The following KATNA1 variants were observed in gnomAD, a reference collection of about 807,000 sequenced individuals.
KATNA1 encodes the protein katanin catalytic subunit A1, also known as katanin p60 ATPase-containing subunit A1.
Under a neutral mutation model 62.6 loss-of-function variants are expected in KATNA1, and 42 were observed. The observed-to-expected ratio is 0.67, with a 90% confidence interval of 0.52 to 0.87. The LOEUF is 0.87. Among genes scored for constraint, KATNA1 ranks in the 40% least tolerant of loss-of-function variants. KATNA1 has a pLI of 0.00. For synonymous variants in KATNA1, 186 were observed against 201.9 expected (o/e 0.92, Z 0.67); for missense variants, 498 against 612.5 (o/e 0.81, Z 1.97).
chr6:149,598,063 A>C (rs1209511475), intron 8 of KATNA1, 161 bp downstream of exon 8: 2 of 679,308 alleles, frequency 2.9e-6, no homozygotes, highest in African/African-American at 3.6e-5. Context: ...TATTACTATC[A>C]CTATCAGGAA....
chr6:149,597,214 A>C, intron 9 of KATNA1, 25 bp from the exon 10 acceptor site: 1 of 1,610,142 alleles, frequency 6.2e-7, no homozygotes, highest in Non-Finnish European at 8.5e-7. Flanking sequence ...AAATTTTAAA[A>C]TGTAAGCCTG....
intron 4 of KATNA1, among the ~76,000 whole-genome samples, chr6:149,606,056 G>A (rs1311301766): frequency 6.6e-6 from 1 of 152,000 alleles, no homozygotes; most frequent in African/African-American, 2.4e-5. Context: ...CACTGTGTCC[G>A]GCCTGAATAA....
chr6:149,637,831 A>G (rs1780128350), intron 2 of KATNA1, among the ~76,000 whole-genome samples: 1 of 152,170 alleles, frequency 6.6e-6, no homozygotes, highest in African/African-American at 2.4e-5. Flanking sequence ...CAAAACAAAA[A>G]AAACCCCTCT....
intron 7 of KATNA1, 126 bp downstream of exon 7, chr6:149,601,468 C>A: frequency 1.5e-6 from 1 of 647,732 alleles, no homozygotes; most frequent in Non-Finnish European, 2.5e-6. Context: ...GCTTTAAGGG[C>A]ATAGGACTCA....
intron 4 of KATNA1, among the ~76,000 whole-genome samples, 188 bp from the exon 5 acceptor site, chr6:149,604,970 C>A (rs970241824): frequency 3.3e-5 from 5 of 152,024 alleles, no homozygotes; most frequent in Non-Finnish European, 5.9e-5. Flanking sequence ...GTCAGGAAAT[C>A]GAGACCATCC....
chr6:149,643,127 G>A (rs537349779), intron 1 of KATNA1, among the ~76,000 whole-genome samples: 1 of 152,350 alleles, frequency 6.6e-6, no homozygotes, highest in East Asian at 1.9e-4. Context: ...ATGTGGCAAA[G>A]AGCTGAGGCA....
intron 6 of KATNA1, 72 bp downstream of exon 6, chr6:149,603,196 A>G: frequency 1.5e-6 from 1 of 645,418 alleles, no homozygotes; most frequent in Non-Finnish European, 2.8e-6. Flanking sequence ...TTCCCAATAT[A>G]GATAAATATT....
intron 4 of KATNA1, among the ~76,000 whole-genome samples, chr6:149,610,872 G>C (rs1207128873): frequency 6.6e-6 from 1 of 152,098 alleles, no homozygotes; most frequent in Non-Finnish European, 1.5e-5. Context: ...ATCACCTGAG[G>C]TCAGGAATTT....
intron 4 of KATNA1, among the ~76,000 whole-genome samples, chr6:149,621,959 C>G (rs527903913): frequency 6.6e-6 from 1 of 152,208 alleles, no homozygotes; most frequent in South Asian, 2.1e-4. Flanking sequence ...AACATGATAA[C>G]TAAATTCGAT....
chr6:149,600,582 G>A (rs1010411385), intron 7 of KATNA1, among the ~76,000 whole-genome samples: 33 of 151,924 alleles, frequency 2.2e-4, no homozygotes, highest in Admixed American at 9.8e-4. Flanking sequence ...GCTGTGAGCC[G>A]AGATTGCAAC....
chr6:149,611,964 C>T (rs1778979064), intron 4 of KATNA1, among the ~76,000 whole-genome samples: 2 of 151,790 alleles, frequency 1.3e-5, no homozygotes, highest in South Asian at 4.2e-4. Context: ...CATGCCACTG[C>T]ACTCCAGCCT....
At chr6:149,607,381 G>T (rs1055050374) in intron 4 of KATNA1, among the ~76,000 whole-genome samples, 1 of 152,158 alleles carries the variant, frequency 6.6e-6, no homozygotes, top group African/African-American at 2.4e-5. Context: ...TTAGGCTGAG[G>T]GGGGTGGATC....
intron 8 of KATNA1, 149 bp downstream of exon 8, chr6:149,598,075 T>G: frequency 2.5e-6 from 2 of 812,178 alleles, no homozygotes; most frequent in Non-Finnish European, 3.8e-6. Flanking sequence ...TATCAGGAAC[T>G]TCTTGCCACC....
At chr6:149,629,046 A>G (rs1012269253) in intron 3 of KATNA1, among the ~76,000 whole-genome samples, 2 of 152,132 alleles carry the variant, frequency 1.3e-5, no homozygotes, top group Non-Finnish European at 2.9e-5. Flanking sequence ...GCGAGAAGCA[A>G]TAAGAAGGAA....
intron 4 of KATNA1, among the ~76,000 whole-genome samples, chr6:149,620,863 T>A (rs1256547301): frequency 6.6e-6 from 1 of 152,202 alleles, no homozygotes; most frequent in Non-Finnish European, 1.5e-5. Context: ...ATAATTAATA[T>A]AGAAGCAACA....
chr6:149,611,465 A>C (rs1270591101), intron 4 of KATNA1, among the ~76,000 whole-genome samples: 1 of 148,022 alleles, frequency 6.8e-6, no homozygotes, highest in Non-Finnish European at 1.5e-5. Context: ...TCTGTCTCAA[A>C]AAAAAAAAAA....
chr6:149,641,819 A>G (rs969096610), intron 1 of KATNA1, among the ~76,000 whole-genome samples: 2 of 152,242 alleles, frequency 1.3e-5, no homozygotes, highest in Non-Finnish European at 2.9e-5. Context: ...AATTCACAGA[A>G]GGGAAACCCA....
intron 2 of KATNA1, among the ~76,000 whole-genome samples, chr6:149,638,141 A>G (rs1448772240): frequency 6.6e-6 from 1 of 151,998 alleles, no homozygotes; most frequent in South Asian, 2.1e-4. Flanking sequence ...ACATCTGGCT[A>G]ATTTTTTTAT....
chr6:149,623,479 G>A lies in KATNA1; in HGVS notation c.321-196C>T, dbSNP rs78696168. On this transcript the variant is annotated intron_variant, in intron 3 of 10. Coordinates refer to ENST00000367411, the MANE Select transcript of KATNA1 (RefSeq NM_007044.4). ...GGGCAAGGCGCGGTGGCTCACACCT[G>A]CAACCCTAGCATTTTGGGAGGCCAA... Among the ~76,000 whole-genome samples the A allele has an allele frequency of 3.6e-3, 554 of 152,248 alleles. 3 individuals are homozygous for A. The highest frequency in any genetic ancestry group is 0.013 in the African/African-American group (526 of 41,548).
Sources: gnomAD v4.1 joint callset for allele counts (sites outside exome capture counted in the v4.1 genomes callset) on GRCh38, gnomAD v4.1.1 for gene constraint, MANE v1.5 for transcripts, NCBI Gene and HGNC (gene_info 2026-07-23, HGNC 2026-07-21) for gene names.